Variants in TOP6BL observed in about 807,000 individuals in gnomAD.
TOP6BL encodes the protein TOP6B like initiator of meiotic double strand breaks.
chr11:66,765,673 G>A, the TOP6BL span, among the ~76,000 whole-genome samples: 1 of 152,026 alleles, frequency 6.6e-6, no homozygotes, highest in African/African-American at 2.4e-5. Flanking sequence ...CTGCCACCAC[G>A]GCCAGCTAAT....
the TOP6BL span, among the ~76,000 whole-genome samples, chr11:66,838,746 T>C: frequency 2.0e-5 from 3 of 152,178 alleles, no homozygotes; most frequent in African/African-American, 7.2e-5. Flanking sequence ...TTTTTATTTT[T>C]TTGAGACAGA....
At chr11:66,824,700 G>A in the TOP6BL span, among the ~76,000 whole-genome samples, 1 of 148,472 alleles carries the variant, frequency 6.7e-6, no homozygotes, top group Non-Finnish European at 1.5e-5. Context: ...TGTGGTGTTT[G>A]GTTTTTTGTC....
the TOP6BL span, chr11:66,843,423 G>C: frequency 1.8e-3 from 2,466 of 1,397,106 alleles, 39 homozygotes; most frequent in African/African-American, 0.033. Context: ...CCCTGGGACT[G>C]CGTCACTGGT....
chr11:66,822,345 A>G, the TOP6BL span, among the ~76,000 whole-genome samples: 1 of 151,780 alleles, frequency 6.6e-6, no homozygotes, highest in African/African-American at 2.4e-5. Context: ...TGTCTGTGTC[A>G]GTAAGTCACC....
the TOP6BL span, among the ~76,000 whole-genome samples, chr11:66,798,415 G>T: frequency 3.3e-5 from 5 of 151,444 alleles, no homozygotes; most frequent in Admixed American, 3.3e-4. Context: ...GCCTGGGCAA[G>T]ATGGTGAAAC....
the TOP6BL span, chr11:66,843,352 G>GGCCC: frequency 6.8e-7 from 1 of 1,460,536 alleles, no homozygotes; most frequent in Non-Finnish European, 9.0e-7. Context: ...CTTCCGCGTC[G>GGCCC]GGCCCGGGCG....
chr11:66,750,623 A>G, the TOP6BL span, among the ~76,000 whole-genome samples: 1 of 151,624 alleles, frequency 6.6e-6, no homozygotes, highest in African/African-American at 2.4e-5. Context: ...TCTCCCTCCT[A>G]GAGGCTAATA....
chr11:66,750,930 C>T, the TOP6BL span, among the ~76,000 whole-genome samples: 50 of 151,584 alleles, frequency 3.3e-4, no homozygotes, highest in African/African-American at 1.1e-3. Flanking sequence ...GTCTGAAACC[C>T]CTGGGCTCAA....
At chr11:66,783,821 C>T in the TOP6BL span, among the ~76,000 whole-genome samples, 6 of 151,838 alleles carry the variant, frequency 4.0e-5, no homozygotes, top group South Asian at 6.2e-4. Context: ...AGTATATTTT[C>T]GGGATTGTAT....
chr11:66,809,431 A>G, the TOP6BL span, among the ~76,000 whole-genome samples: 1 of 152,232 alleles, frequency 6.6e-6, no homozygotes, highest in Non-Finnish European at 1.5e-5. Flanking sequence ...CCTGTATATT[A>G]TGTTAAAATT....
At chr11:66,778,694 C>T in the TOP6BL span, among the ~76,000 whole-genome samples, 222 of 152,166 alleles carry the variant, frequency 1.5e-3, 2 homozygotes, top group Middle Eastern at 0.034. Flanking sequence ...AAAAAGAACC[C>T]GCATTGCCAA....
chr11:66,749,609 G>A, the TOP6BL span, among the ~76,000 whole-genome samples: 15 of 151,854 alleles, frequency 9.9e-5, no homozygotes, highest in Non-Finnish European at 1.6e-4. Context: ...TCACTCTGTC[G>A]CCCAGGCTGG....
At chr11:66,770,491 G>C in the TOP6BL span, among the ~76,000 whole-genome samples, 4 of 152,126 alleles carry the variant, frequency 2.6e-5, no homozygotes, top group East Asian at 7.7e-4. Flanking sequence ...ATCACCTGAG[G>C]TCAGGAGTTG....
At chr11:66,775,460 T>A in the TOP6BL span, among the ~76,000 whole-genome samples, 2 of 152,202 alleles carry the variant, frequency 1.3e-5, no homozygotes, top group Non-Finnish European at 2.9e-5. Flanking sequence ...TTTTGCCCTA[T>A]GAGTATAAGG....
the TOP6BL span, among the ~76,000 whole-genome samples, chr11:66,763,230 C>T: frequency 6.6e-6 from 1 of 152,146 alleles, no homozygotes; most frequent in Non-Finnish European, 1.5e-5. Flanking sequence ...CTTAAAAATG[C>T]TTGTTGCTAA....
chr11:66,840,314 C>T, the TOP6BL span, among the ~76,000 whole-genome samples: 5,900 of 152,214 alleles, frequency 0.039, 171 homozygotes, highest in Non-Finnish European at 0.051. Context: ...TTCATACTTA[C>T]GGATCTCTTT....
the TOP6BL span, chr11:66,756,386 G>A: frequency 8.5e-7 from 1 of 1,173,854 alleles, no homozygotes; most frequent in Non-Finnish European, 1.1e-6. Context: ...AGGCCGGAGT[G>A]CAGTGGCGCA....
chr11:66,825,323 A>AG, the TOP6BL span, among the ~76,000 whole-genome samples: 1 of 150,900 alleles, frequency 6.6e-6, no homozygotes, highest in African/African-American at 2.4e-5. Flanking sequence ...TACTAAAAAA[A>AG]AAAAAAATAC....
the TOP6BL span, chr11:66,788,361 A>G: frequency 1.3e-5 from 13 of 984,472 alleles, no homozygotes; most frequent in South Asian, 1.5e-4. Context: ...AGGTCCATCA[A>G]AGTTCCAAGC....
Sources: gnomAD v4.1 joint callset for allele counts (sites outside exome capture counted in the v4.1 genomes callset) on GRCh38, gnomAD v4.1.1 for gene constraint, MANE v1.5 for transcripts, NCBI Gene and HGNC (gene_info 2026-07-23, HGNC 2026-07-21) for gene names.